The following GABRG3 variants were observed in gnomAD, a reference collection of about 807,000 sequenced individuals.
GABRG3 encodes gamma-aminobutyric acid receptor subunit gamma-3.
Under a neutral mutation model 48.8 loss-of-function variants are expected in GABRG3, and 25 were observed. The observed-to-expected ratio is 0.51, with a 90% CI of 0.37 to 0.72. The LOEUF (loss-of-function observed/expected upper bound fraction) is 0.72. GABRG3 is among the 30% of genes least tolerant of loss of function. The pLI is 0.00. For missense variants in GABRG3, 394 were observed against 577.9 expected, an observed-to-expected ratio of 0.68 and a Z score of 3.26; for synonymous variants, 227 against 217.6, an observed-to-expected ratio of 1.04 and a Z score of -0.38.
intron 3 of GABRG3, among the ~76,000 whole-genome samples, chr15:27,120,091 A>G (rs941624446): frequency 5.3e-5 from 8 of 152,220 alleles, no homozygotes; most frequent in African/African-American, 1.7e-4. Context: ...TAATGTTTAA[A>G]CAACTGAATT....
intron 3 of GABRG3, among the ~76,000 whole-genome samples, chr15:27,083,345 A>AT (rs10657484): frequency 0.22 from 31,246 of 140,742 alleles, 3,678 homozygotes; most frequent in Middle Eastern, 0.29. Flanking sequence ...AGAGCTATTG[A>AT]TTTTTTTTTT....
chr15:27,019,261 G>A (rs1595475530), intron 2 of GABRG3, among the ~76,000 whole-genome samples: 1 of 151,648 alleles, frequency 6.6e-6, no homozygotes, highest in South Asian at 2.1e-4. Context: ...TAGTAGAGAC[G>A]GGGTTTCACC....
intron 6 of GABRG3, among the ~76,000 whole-genome samples, chr15:27,486,807 A>G (rs1466239257): frequency 2.6e-5 from 4 of 152,208 alleles, no homozygotes; most frequent in Non-Finnish European, 4.4e-5. Flanking sequence ...TATTGACTCA[A>G]TGTAGTTCCC....
intron 5 of GABRG3, among the ~76,000 whole-genome samples, chr15:27,351,091 T>C (rs1004708928): frequency 6.7e-6 from 1 of 149,608 alleles, no homozygotes; most frequent in African/African-American, 2.5e-5. Context: ...GTATAGTGTG[T>C]GTATGGTGTG....
At chr15:27,142,992 T>TG (rs1898132856) in intron 3 of GABRG3, among the ~76,000 whole-genome samples, 1 of 152,178 alleles carries the variant, frequency 6.6e-6, no homozygotes, top group East Asian at 1.9e-4. Context: ...TGGGCTCAAG[T>TG]GAGCTGCCTG....
chr15:27,259,851 A>G (rs1890721128), intron 3 of GABRG3, among the ~76,000 whole-genome samples: 1 of 152,204 alleles, frequency 6.6e-6, no homozygotes, highest in South Asian at 2.1e-4. Flanking sequence ...TCAAACGCCA[A>G]ATTCAATGGC....
intron 3 of GABRG3, among the ~76,000 whole-genome samples, chr15:27,073,256 A>G (rs931779402): frequency 3.3e-5 from 5 of 152,256 alleles, no homozygotes; most frequent in Admixed American, 3.3e-4. Context: ...GATGTCCTGC[A>G]GCATGTCTGC....
intron 9 of GABRG3, among the ~76,000 whole-genome samples, chr15:27,528,438 G>T (rs1161831324): frequency 6.6e-6 from 1 of 152,182 alleles, no homozygotes; most frequent in Admixed American, 6.5e-5. Flanking sequence ...ATCTTGGCAG[G>T]ACACTGGGCT....
chr15:27,081,668 C>T (rs1030410905), intron 3 of GABRG3, among the ~76,000 whole-genome samples: 1 of 152,132 alleles, frequency 6.6e-6, no homozygotes, highest in Admixed American at 6.5e-5. Context: ...GGAGTAAACA[C>T]TGAGTGGCAG....
At chr15:27,303,629 G>A (rs1892288450) in intron 3 of GABRG3, among the ~76,000 whole-genome samples, 1 of 151,424 alleles carries the variant, frequency 6.6e-6, no homozygotes, top group South Asian at 2.1e-4. Flanking sequence ...TATGAGGCTG[G>A]CATCAACCTG....
chr15:27,146,587 A>G (rs1427003988), intron 3 of GABRG3, among the ~76,000 whole-genome samples: 1 of 152,182 alleles, frequency 6.6e-6, no homozygotes, highest in East Asian at 1.9e-4. Context: ...TAAAGCAACA[A>G]TTATATTCTC....
At chr15:27,298,637 A>T (rs1210450203) in intron 3 of GABRG3, among the ~76,000 whole-genome samples, 2 of 151,934 alleles carry the variant, frequency 1.3e-5, no homozygotes, top group Admixed American at 1.3e-4. Context: ...TGCATGACTC[A>T]ATTTTAAGCT....
chr15:27,111,820 C>A (rs1374402324), intron 3 of GABRG3, among the ~76,000 whole-genome samples: 2 of 152,058 alleles, frequency 1.3e-5, no homozygotes, highest in African/African-American at 4.8e-5. Flanking sequence ...TGTTTCTGTC[C>A]CTACTCCAGT....
chr15:27,177,945 A>C (rs1406233628), intron 3 of GABRG3, among the ~76,000 whole-genome samples: 1 of 152,132 alleles, frequency 6.6e-6, no homozygotes, highest in Non-Finnish European at 1.5e-5. Context: ...ATCAAGGGGA[A>C]GGGAGATCCT....
chr15:27,337,403 T>G (rs1894011931), intron 5 of GABRG3, among the ~76,000 whole-genome samples: 1 of 152,216 alleles, frequency 6.6e-6, no homozygotes, highest in African/African-American at 2.4e-5. Context: ...TGCTATGCAA[T>G]CAATATGAAA....
At chr15:27,340,479 A>C (rs1894133164) in intron 5 of GABRG3, 1 of 152,322 alleles carries the variant, frequency 6.6e-6, no homozygotes, top group Admixed American at 6.5e-5. Context: ...TGTTGAGTTA[A>C]ACATGCAACC....
At position 27,506,792 on chromosome 15, in the gene GABRG3, T is replaced by A. The variant is rs6497215; in HGVS notation, c.713-13180T>A. Reference sequence around the variant, plus strand: ...ACTTTTTGAAAAAGCAACTTTTGGGTTTTTTTTTCTTTTAAATTTCACTAA... The same window carrying A: ...ACTTTTTGAAAAAGCAACTTTTGGGATTTTTTTTCTTTTAAATTTCACTAA... On this transcript the variant is annotated intron_variant, in intron 6 of 9. Coordinates refer to ENST00000615808, the MANE Select transcript of GABRG3 (RefSeq NM_033223.5). 1.4e-3 allele frequency among the ~76,000 whole-genome samples: 207 copies of A among 146,516 alleles called. 2 individuals are homozygous for A. The highest frequency in any genetic ancestry group is 5.6e-3 in the African/African-American group (203 of 36,514).
chr15:27,318,620 G>A (rs1264415270), intron 3 of GABRG3, among the ~76,000 whole-genome samples: 4 of 152,158 alleles, frequency 2.6e-5, no homozygotes, highest in African/African-American at 9.7e-5. Flanking sequence ...TCGAACCAGT[G>A]CATTTACTGT....
chr15:27,311,901 T>C (rs1456323419), intron 3 of GABRG3, among the ~76,000 whole-genome samples: 1 of 152,092 alleles, frequency 6.6e-6, no homozygotes, highest in Non-Finnish European at 1.5e-5. Flanking sequence ...CGCTGTTTTA[T>C]CTAATGTGCA....
Sources: gnomAD v4.1 joint callset for allele counts (sites outside exome capture counted in the v4.1 genomes callset) on GRCh38, gnomAD v4.1.1 for gene constraint, MANE v1.5 for transcripts, NCBI Gene and HGNC (gene_info 2026-07-23, HGNC 2026-07-21) for gene names.